Variants in GRM4 observed in about 807,000 individuals in gnomAD.
GRM4 encodes the protein metabotropic glutamate receptor 4.
In GRM4, 28 loss-of-function variants were observed where a neutral mutation model predicts 81.7. That is an observed-to-expected ratio of 0.34 (90% confidence interval 0.25 to 0.47). The LOEUF is 0.47. Ranked by LOEUF, GRM4 falls within the 20% of genes least tolerant of loss-of-function variation. The pLI is 1.00. For synonymous variants in GRM4, 488 were observed against 528.8 expected (o/e 0.92, Z 1.06); for missense variants, 948 against 1,290.0 (o/e 0.73, Z 4.06).
In GRM4 at chr6:34,036,680, A is replaced by G. The variant is rs533884705; in HGVS notation, c.1507-77T>C. The G allele has an allele frequency of 1.1e-4, 88 of 778,454 alleles. No individual in the cohort carries two copies. In the African/African-American group the frequency reaches 1.3e-3, roughly 12 times the overall value. 48.2% of individuals were successfully genotyped at this position (778,454 alleles called of 1,614,324 possible). ...CCGGACCATCCTACTGGGTGGTGGC[A>G]CCTTGTAGCCCCACACTCAAATCAC... On this transcript the variant is annotated intron_variant, in intron 8 of 10. Transcript: ENST00000538487. The surrounding 1 kb of genome is among the most constrained non-coding windows in gnomAD (Gnocchi z 9.0).
At chr6:34,142,470 A>G (rs1770731286) in intron 1 of GRM4, among the ~76,000 whole-genome samples, 1 of 152,128 alleles carries the variant, frequency 6.6e-6, no homozygotes, top group Non-Finnish European at 1.5e-5. Context: ...AGGAGAGAGG[A>G]CACGTCTATC....
chr6:34,140,060 G>GA (rs753876569), intron 1 of GRM4, among the ~76,000 whole-genome samples: 24 of 152,056 alleles, frequency 1.6e-4, no homozygotes, highest in African/African-American at 5.1e-4. Flanking sequence ...CAGGCGATAT[G>GA]AAAAAAAATA....
chr6:34,104,776 T>C (rs1449431411), intron 2 of GRM4, among the ~76,000 whole-genome samples: 2 of 152,170 alleles, frequency 1.3e-5, no homozygotes, highest in Non-Finnish European at 2.9e-5. Flanking sequence ...CCTCAGTTTC[T>C]GCATCTGTTC....
In GRM4 at chr6:34,034,045, T is replaced by C. The variant is rs1764573148; in HGVS notation, c.2442+1623A>G. On this transcript the variant is annotated intron_variant, in intron 9 of 10. Transcript: ENST00000538487. The surrounding 1 kb of genome is among the most constrained non-coding windows in gnomAD (Gnocchi z 4.0). ...TGAGCCACCACACCCAGCCTTGGGC[T>C]CACAGCTCTAGATGCCAGGCTCAGG... is the stretch of plus-strand genomic sequence containing the variant. Among the ~76,000 whole-genome samples, 1 of 152,204 alleles carries C rather than the reference T, an allele frequency of 6.6e-6. No homozygotes were observed. The highest frequency in any genetic ancestry group is 1.5e-5 in the Non-Finnish European group (1 of 68,044).
At chr6:34,067,369 G>GTCCTTCC (rs1766522585) in intron 3 of GRM4, among the ~76,000 whole-genome samples, 1 of 118,920 alleles carries the variant, frequency 8.4e-6, no homozygotes, top group African/African-American at 3.2e-5. Context: ...TCCTTCCTTC[G>GTCCTTCC]CTCCCTCCCT....
intron 1 of GRM4, among the ~76,000 whole-genome samples, chr6:34,140,914 T>C (rs775084052): frequency 6.6e-6 from 1 of 152,218 alleles, no homozygotes; most frequent in Non-Finnish European, 1.5e-5. Flanking sequence ...TGAATATAAC[T>C]GTGGTTGGTG....
At position 34,152,364 on chromosome 6, in the gene GRM4, T is replaced by C. The variant is rs924647602; in HGVS notation, c.312+2715A>G. 7.2e-5 allele frequency among the ~76,000 whole-genome samples: 11 copies of C among 152,124 alleles called. No homozygotes were observed. Among genetic ancestry groups the C allele is most frequent in the Non-Finnish European group, 1.5e-4 (10 of 68,018 alleles). On this transcript the variant is annotated intron_variant, in intron 1 of 8. Transcript: ENST00000374177. The surrounding 1 kb of genome is among the most constrained non-coding windows in gnomAD (Gnocchi z 4.1). ...CTGCACTGCCCTGGAAAAAGTCCCATCAAGGCAGAGGAGAAGGGGTATTGT... is the reference window on the plus strand; with the variant it reads ...CTGCACTGCCCTGGAAAAAGTCCCACCAAGGCAGAGGAGAAGGGGTATTGT...
chr6:34,154,030 C>T (rs988504236), intron 1 of GRM4, among the ~76,000 whole-genome samples: 2 of 152,230 alleles, frequency 1.3e-5, no homozygotes, highest in African/African-American at 2.4e-5. Context: ...TCTGTGGGTG[C>T]GGGCTGACCC....
In GRM4 at chr6:34,036,295, C is replaced by T; in HGVS notation, c.1815G>A (p.Val605=). 1 of 1,614,160 alleles carries T rather than the reference C, an allele frequency of 6.2e-7. No individual in the cohort carries two copies. The highest frequency in any genetic ancestry group is 8.5e-7 in the Non-Finnish European group (1 of 1,180,028). The change falls in exon 9 of 11, where the codon GTG becomes GTA. Residue 605 remains valine (V), a synonymous_variant. Coordinates refer to ENST00000538487, the MANE Select transcript of GRM4 (RefSeq NM_000841.4). This position sits in a 1 kb window ranked among gnomAD's most constrained non-coding sequence, Gnocchi z 9.0. ...AVVGIAATLF[V]VITFVRYNDT... is the part of the protein sequence containing the mutation. Reference sequence around the variant, plus strand: ...CGTTGTAGCGCACAAAGGTGATCACCACGAACAACGTGGCAGCGATGCCCA... The same window carrying T: ...CGTTGTAGCGCACAAAGGTGATCACTACGAACAACGTGGCAGCGATGCCCA...
intron 3 of GRM4, among the ~76,000 whole-genome samples, chr6:34,079,440 C>T (rs1767473728): frequency 6.6e-6 from 1 of 152,208 alleles, no homozygotes; most frequent in East Asian, 1.9e-4. Context: ...CTGCTTCAAA[C>T]CTCTCGTCCC....
At chr6:34,100,241 G>A (rs1768761931) in intron 2 of GRM4, among the ~76,000 whole-genome samples, 1 of 152,198 alleles carries the variant, frequency 6.6e-6, no homozygotes, top group African/African-American at 2.4e-5. Flanking sequence ...AGGGCCCTTG[G>A]CCTCCCTTGC....
chr6:34,064,001 C>G lies in GRM4; in HGVS notation c.737-1973G>C, dbSNP rs1427855905. ...TAAGTCATATTTCTGAGATGCTCCTCTAAGAGGATCCGCGTGATGGTCTTG... is the reference window on the plus strand; with the variant it reads ...TAAGTCATATTTCTGAGATGCTCCTGTAAGAGGATCCGCGTGATGGTCTTG... On this transcript the variant is annotated intron_variant, in intron 3 of 10. Transcript: ENST00000538487. The surrounding 1 kb of genome is among the most constrained non-coding windows in gnomAD (Gnocchi z 4.4). Among the ~76,000 whole-genome samples, 1 of 152,190 alleles carries G rather than the reference C, an allele frequency of 6.6e-6. No individual in the cohort carries two copies. The highest frequency in any genetic ancestry group is 6.5e-5 in the Admixed American group (1 of 15,292).
rs1765068645 is a variant in GRM4 at position 34,042,622 on chromosome 6, C to A, written c.1169-1874G>T. Reference sequence around the variant, plus strand: ...CCTCTCAGCTAGAGGGCACATGCCACACTGCACAGAGGCAATTCCCCAGAG... The same window carrying A: ...CCTCTCAGCTAGAGGGCACATGCCAAACTGCACAGAGGCAATTCCCCAGAG... On this transcript the variant is annotated intron_variant, in intron 6 of 10. Coordinates refer to ENST00000538487, the MANE Select transcript of GRM4 (RefSeq NM_000841.4). This position sits in a 1 kb window ranked among gnomAD's most constrained non-coding sequence, Gnocchi z 4.2. Among the ~76,000 whole-genome samples, 1 of 152,210 alleles carries A rather than the reference C, an allele frequency of 6.6e-6. No homozygotes were observed.
In GRM4 at chr6:34,042,729, C is replaced by T. The variant is rs1040177719; in HGVS notation, c.1169-1981G>A. Among the ~76,000 whole-genome samples, 9 of 152,152 alleles carry T rather than the reference C, an allele frequency of 5.9e-5. No homozygotes were observed. Among genetic ancestry groups the T allele is most frequent in the Admixed American group, 2.0e-4 (3 of 15,282 alleles). ...GGGTCCACATGAGGCAGTGATTCCCCGGGGACTCCAGAGGTCACTGTGTCC... is the reference window on the plus strand; with the variant it reads ...GGGTCCACATGAGGCAGTGATTCCCTGGGGACTCCAGAGGTCACTGTGTCC... On this transcript the variant is annotated intron_variant, in intron 6 of 10. Transcript: ENST00000538487. The surrounding 1 kb of genome is among the most constrained non-coding windows in gnomAD (Gnocchi z 4.2).
In GRM4 at chr6:34,022,612, C is replaced by T. The variant is rs1012639749; in HGVS notation, c.*209G>A. 9 of 590,646 alleles carry T rather than the reference C, an allele frequency of 1.5e-5. No homozygotes were observed. The highest frequency in any genetic ancestry group is 4.0e-5 in the South Asian group (2 of 50,338). 36.6% of individuals were successfully genotyped at this position (590,646 alleles called of 1,614,324 possible). A position where few individuals can be genotyped will look rare whatever the true frequency, so the allele number is the denominator to read the frequency against. On this transcript the variant is annotated 3_prime_UTR_variant, in exon 11 of 11. Transcript: ENST00000538487. This position sits in a 1 kb window ranked among gnomAD's most constrained non-coding sequence, Gnocchi z 5.6. The stretch of plus-strand genomic sequence containing the variant: ...GCAGGTTCTTGTGGTAGCCTGGCAC[C>T]GCCCCGGCCCCTCGTCCTCCTGTTG...
chr6:34,143,357 T>C (rs1581741270), intron 1 of GRM4, among the ~76,000 whole-genome samples: 1 of 150,636 alleles, frequency 6.6e-6, no homozygotes, highest in African/African-American at 2.4e-5. Context: ...CTCCAGGAAG[T>C]GAGAGAGGGG....
chr6:34,101,042 A>G (rs1768810409), intron 2 of GRM4, among the ~76,000 whole-genome samples: 1 of 152,222 alleles, frequency 6.6e-6, no homozygotes, highest in Non-Finnish European at 1.5e-5. Context: ...GGGAGCGGTA[A>G]ACATTAGGCT....
chr6:34,147,273 G>C (rs556059823), upstream of GRM4, among the ~76,000 whole-genome samples: 3 of 152,226 alleles, frequency 2.0e-5, no homozygotes, highest in South Asian at 6.2e-4. Flanking sequence ...GTAAACACAC[G>C]ACTGAACGCA....
At chr6:34,103,147 C>G (rs957386803) in intron 2 of GRM4, among the ~76,000 whole-genome samples, 1 of 152,202 alleles carries the variant, frequency 6.6e-6, no homozygotes, top group Non-Finnish European at 1.5e-5. Context: ...TCCCCATCCC[C>G]GGGTCCTGCC....
Sources: allele counts gnomAD v4.1 joint callset (sites outside exome capture counted in the v4.1 genomes callset), GRCh38; gene constraint gnomAD v4.1.1; non-coding constraint Gnocchi (gnomAD v3.1); transcripts MANE v1.5; gene names NCBI Gene and HGNC (gene_info 2026-07-23, HGNC 2026-07-21).